Variants in MAD1L1 observed in about 807,000 individuals in gnomAD.
MAD1L1 encodes the protein mitotic arrest deficient 1 like 1.
A neutral mutation model predicts 96.9 loss-of-function variants in MAD1L1; 95 were observed. The observed-to-expected ratio is 0.98, with a 90% CI of 0.83 to 1.16. The LOEUF (loss-of-function observed/expected upper bound fraction) is 1.16. MAD1L1 is among the 50% of genes most tolerant of loss of function. The pLI is 0.00. For missense variants in MAD1L1, 1,007 were observed against 954.4 expected (o/e 1.06, Z -0.73); for synonymous variants, 473 against 396.6 (o/e 1.19, Z -2.29).
Position 1,895,457 on chromosome 7 carries a change from G to A in MAD1L1, c.1998+2743C>T, listed in dbSNP as rs950563316. 5.3e-5 allele frequency among the ~76,000 whole-genome samples: 8 copies of A among 152,278 alleles called. No homozygotes were observed. In the South Asian group the frequency reaches 8.3e-4, roughly 16 times the overall value. ...GAGCTCCCCATGCCAGGCCCACCCC[G>A]CAGCTCTCAGCCCCGCCTGCAAACA... On this transcript the variant is annotated intron_variant, in intron 18 of 18. Coordinates refer to ENST00000265854, the MANE Select transcript of MAD1L1 (RefSeq NM_001013836.2).
At chr7:2,027,830 G>C (rs529657058) in intron 12 of MAD1L1, among the ~76,000 whole-genome samples, 1 of 152,322 alleles carries the variant, frequency 6.6e-6, no homozygotes, top group African/African-American at 2.4e-5. Context: ...CAGCATGTCT[G>C]TCCAAAGCAG....
chr7:2,025,132 A>G (rs1014206279), intron 12 of MAD1L1, among the ~76,000 whole-genome samples: 1 of 152,272 alleles, frequency 6.6e-6, no homozygotes, highest in South Asian at 2.1e-4. Flanking sequence ...TGCTGTGGAA[A>G]GAATCATATG....
chr7:2,067,293 C>T (rs34731055), intron 12 of MAD1L1, among the ~76,000 whole-genome samples: 19,694 of 143,774 alleles, frequency 0.14, 1,958 homozygotes, highest in Middle Eastern at 0.27. Context: ...TCGCAGGCAC[C>T]CGGGGTCATC....
intron 17 of MAD1L1, among the ~76,000 whole-genome samples, chr7:1,916,209 C>T (rs142456959): frequency 2.0e-5 from 3 of 152,286 alleles, no homozygotes; most frequent in East Asian, 3.9e-4. Context: ...GAAGCCGCCT[C>T]GGAAACCGTA....
intron 10 of MAD1L1, 106 bp from the exon 11 acceptor site, chr7:2,149,344 G>A (rs996469575): frequency 9.1e-6 from 8 of 881,304 alleles, no homozygotes; most frequent in Middle Eastern, 4.3e-4. Context: ...CTGATGCTCT[G>A]GGACCCAGGA....
intron 11 of MAD1L1, among the ~76,000 whole-genome samples, chr7:2,070,041 T>A (rs1210686340): frequency 6.6e-6 from 1 of 152,204 alleles, no homozygotes; most frequent in Admixed American, 6.5e-5. Flanking sequence ...CCAAGCTGTC[T>A]CCTCAGACAG....
chr7:1,888,737 G>A (rs1786345202), intron 18 of MAD1L1, among the ~76,000 whole-genome samples: 1 of 151,792 alleles, frequency 6.6e-6, no homozygotes, highest in African/African-American at 2.4e-5. Flanking sequence ...GGCTGTGCAT[G>A]GGTGGGCATG....
chr7:1,888,336 G>A (rs564462680), intron 18 of MAD1L1, among the ~76,000 whole-genome samples: 145 of 141,328 alleles, frequency 1.0e-3, no homozygotes, highest in African/African-American at 1.9e-3. Context: ...GCATGCGTGC[G>A]GCTGCCTGTG....
chr7:2,091,498 G>A (rs945406560), intron 11 of MAD1L1, among the ~76,000 whole-genome samples: 9 of 152,224 alleles, frequency 5.9e-5, no homozygotes, highest in South Asian at 4.1e-4. Context: ...CCATCTGGCC[G>A]GACACGGTAG....
chr7:2,223,546 G>A (rs1254831348), intron 4 of MAD1L1: 1 of 152,290 alleles, frequency 6.6e-6, no homozygotes, highest in Non-Finnish European at 1.5e-5. Context: ...TGGAGTACGA[G>A]CTTGTGCTGT....
At chr7:2,217,915 A>G in intron 7 of MAD1L1, 47 bp downstream of exon 7, 1 of 1,520,346 alleles carries the variant, frequency 6.6e-7, no homozygotes, top group South Asian at 1.1e-5. Context: ...AGGAGAGTCA[A>G]GGCCACCACA....
chr7:1,994,556 G>T (rs1295226193), intron 14 of MAD1L1, among the ~76,000 whole-genome samples: 1 of 152,206 alleles, frequency 6.6e-6, no homozygotes, highest in Non-Finnish European at 1.5e-5. Flanking sequence ...CACACAGCAG[G>T]AAGGAGGTGG....
chr7:2,190,668 G>T (rs1034346443), intron 10 of MAD1L1, among the ~76,000 whole-genome samples: 3 of 152,130 alleles, frequency 2.0e-5, no homozygotes, highest in Non-Finnish European at 4.4e-5. Context: ...CACAAAAGAA[G>T]ATATATGGCC....
intron 12 of MAD1L1, among the ~76,000 whole-genome samples, chr7:2,059,012 C>T (rs1470799644): frequency 1.7e-4 from 14 of 80,316 alleles, no homozygotes; most frequent in South Asian, 4.8e-4. Flanking sequence ...GGAGTGTGGC[C>T]AGAGGAGAGA....
intron 15 of MAD1L1, among the ~76,000 whole-genome samples, chr7:1,967,872 G>A (rs768807004): frequency 2.0e-5 from 3 of 148,120 alleles, no homozygotes; most frequent in Non-Finnish European, 4.4e-5. Context: ...AACAAGTTCC[G>A]GTGCGTGCAC....
intron 18 of MAD1L1, among the ~76,000 whole-genome samples, chr7:1,837,522 C>T (rs796619346): frequency 2.6e-5 from 4 of 152,342 alleles, no homozygotes; most frequent in African/African-American, 9.6e-5. Context: ...TTATTTGCAA[C>T]AGCCCCAAGC....
At chr7:1,870,093 C>A (rs1310872741) in intron 18 of MAD1L1, among the ~76,000 whole-genome samples, 1 of 152,120 alleles carries the variant, frequency 6.6e-6, no homozygotes, top group Non-Finnish European at 1.5e-5. Context: ...GGGAGAGTGA[C>A]TGACCCCAGA....
intron 11 of MAD1L1, among the ~76,000 whole-genome samples, chr7:2,120,142 T>A (rs71525361): frequency 1.3e-5 from 2 of 152,046 alleles, no homozygotes; most frequent in Non-Finnish European, 2.9e-5. Context: ...TAAGGCCACC[T>A]CCCCCTCTCT....
intron 13 of MAD1L1, among the ~76,000 whole-genome samples, chr7:2,013,298 G>A (rs1416532371): frequency 6.6e-6 from 1 of 152,214 alleles, no homozygotes; most frequent in Non-Finnish European, 1.5e-5. Flanking sequence ...AGGCCACACC[G>A]ATGCCATCAT....
Sources: allele counts gnomAD v4.1 joint callset (sites outside exome capture counted in the v4.1 genomes callset), GRCh38; gene constraint gnomAD v4.1.1; transcripts MANE v1.5; gene names NCBI Gene and HGNC (gene_info 2026-07-23, HGNC 2026-07-21).